MLLT10: variants seen among roughly 807,000 people sequenced by gnomAD.
MLLT10 encodes MLLT10 histone lysine methyltransferase DOT1L cofactor, also known as protein AF-10.
MLLT10 carries 30 observed loss-of-function variants against 129.1 expected under a neutral mutation model. That is an observed-to-expected ratio of 0.23 (90% CI 0.17 to 0.32). MLLT10 has a LOEUF of 0.32. MLLT10 is among the 10% of genes least tolerant of loss of function. The probability of loss-of-function intolerance (pLI) is 1.00; values close to 1 mark genes in which losing one functional copy is unlikely to be tolerated. For missense variants in MLLT10, 1,119 were observed against 1,268.3 expected, an observed-to-expected ratio of 0.88 and a Z score of 1.79; for synonymous variants, 490 against 446.4, an observed-to-expected ratio of 1.10 and a Z score of -1.23.
rs1010815780 is a variant in MLLT10, at chr10:21,646,871, T to C, written c.700-4802T>C. Reference sequence around the variant, plus strand: ...CTATTCCCTTTTTTTTTTTTTTTTTTCTGAGACGGAGTCTCGCTCTGTCGC... The same window carrying C: ...CTATTCCCTTTTTTTTTTTTTTTTTCCTGAGACGGAGTCTCGCTCTGTCGC... On this transcript the variant is annotated intron_variant, in intron 8 of 22. Transcript: ENST00000307729. 1.5e-4 allele frequency among the ~76,000 whole-genome samples: 23 copies of C among 151,444 alleles called. No homozygotes were observed. The East Asian group carries it at 1.5e-3, about 10-fold the overall frequency.
chr10:21,654,751 G>A (rs758009477), intron 9 of MLLT10, among the ~76,000 whole-genome samples: 3 of 152,110 alleles, frequency 2.0e-5, no homozygotes, highest in Non-Finnish European at 2.9e-5. Context: ...TGAATACAGC[G>A]AATGAGTGAG....
At chr10:21,571,181 T>G (rs1341850140) in intron 3 of MLLT10, among the ~76,000 whole-genome samples, 1 of 152,222 alleles carries the variant, frequency 6.6e-6, no homozygotes, top group Non-Finnish European at 1.5e-5. Context: ...CACATCCTTA[T>G]GTCAGTTCTG....
intron 8 of MLLT10, among the ~76,000 whole-genome samples, chr10:21,624,087 C>G (rs1295165701): frequency 6.6e-6 from 1 of 152,062 alleles, no homozygotes; most frequent in African/African-American, 2.4e-5. Context: ...AATTTAAAAA[C>G]ACAGTTAACC....
chr10:21,601,846 TTTTTTGTTTTTG>T (rs1266265013), intron 5 of MLLT10, among the ~76,000 whole-genome samples: 38 of 152,162 alleles, frequency 2.5e-4, no homozygotes, highest in Non-Finnish European at 4.7e-4. Flanking sequence ...CCTATCTCAG[TTTTTTGTTTTTG>T]TTTTTGTTTT....
At chr10:21,577,955 G>A (rs1325038423) in intron 3 of MLLT10, among the ~76,000 whole-genome samples, 2 of 152,048 alleles carry the variant, frequency 1.3e-5, no homozygotes, top group African/African-American at 2.4e-5. Context: ...GTACAGTGGT[G>A]TGATATCTTG....
intron 9 of MLLT10, among the ~76,000 whole-genome samples, chr10:21,653,404 T>C (rs1257532540): frequency 5.9e-5 from 9 of 152,314 alleles, no homozygotes; most frequent in Admixed American, 2.0e-4. Context: ...TTCTAGAGCC[T>C]CTTTTTGTTT....
chr10:21,612,500 G>T (rs945768393), intron 6 of MLLT10, 49 bp downstream of exon 6: 1 of 1,163,998 alleles, frequency 8.6e-7, no homozygotes, highest in Admixed American at 2.1e-5. Flanking sequence ...TAAATACCTT[G>T]TGTAACAATC....
intron 4 of MLLT10, among the ~76,000 whole-genome samples, chr10:21,589,929 C>T (rs1171697334): frequency 4.6e-5 from 7 of 151,364 alleles, no homozygotes; most frequent in African/African-American, 1.5e-4. Context: ...TCCCCTTTGT[C>T]TGTCTCTCTC....
In MLLT10 at chr10:21,673,704, A is replaced by G; in HGVS notation, c.1406A>G (p.Lys469Arg). 2 of 1,614,186 alleles carry G rather than the reference A, an allele frequency of 1.2e-6. No individual in the cohort carries two copies. Among genetic ancestry groups the G allele is most frequent in the Non-Finnish European group, 1.7e-6 (2 of 1,180,028 alleles). The change falls in exon 11 of 23, where the codon AAA becomes AGA. Residue 469 changes from lysine to arginine, a missense_variant. Coordinates refer to ENST00000307729, the MANE Select transcript of MLLT10 (RefSeq NM_001195626.3). ...EEETVKEKKR[K>R]GNKQSKHGPG... ...GAAACTGTAAAGGAAAAGAAAAGGA[A>G]AGGAAATAAACAAAGTAAGCATGGG...
At chr10:21,608,929 T>G (rs960801840) in intron 5 of MLLT10, among the ~76,000 whole-genome samples, 1 of 152,216 alleles carries the variant, frequency 6.6e-6, no homozygotes, top group Non-Finnish European at 1.5e-5. Flanking sequence ...ATTTTTTAAT[T>G]TTTTTGTTGA....
rs193080149 is a variant in MLLT10 at position 21,563,365 on chromosome 10, A to T, written c.241-22929A>T. Among the ~76,000 whole-genome samples, 40 of 152,154 alleles carry T rather than the reference A, an allele frequency of 2.6e-4. 1 individual carries two copies. The East Asian group carries it at 7.8e-3, about 30-fold the overall frequency. Reference sequence around the variant, plus strand: ...ATGGTGAAACCTGTCTCTACTAAAAATACAAAAATTAGCCAGGTGTGATGG... The same window carrying T: ...ATGGTGAAACCTGTCTCTACTAAAATTACAAAAATTAGCCAGGTGTGATGG... On this transcript the variant is annotated intron_variant, in intron 3 of 22. Coordinates refer to ENST00000307729, the MANE Select transcript of MLLT10 (RefSeq NM_001195626.3).
intron 13 of MLLT10, among the ~76,000 whole-genome samples, chr10:21,706,421 T>C (rs544596221): frequency 3.3e-5 from 5 of 152,306 alleles, no homozygotes; most frequent in Admixed American, 3.3e-4. Flanking sequence ...ATAGATGAGG[T>C]ATATGAGGTT....
chr10:21,643,167 G>A (rs2048181078), intron 8 of MLLT10, among the ~76,000 whole-genome samples: 1 of 152,058 alleles, frequency 6.6e-6, no homozygotes, highest in African/African-American at 2.4e-5. Flanking sequence ...CATGTAGCTG[G>A]GACTACTGGC....
chr10:21,692,321 A>T (rs984978285), intron 13 of MLLT10, among the ~76,000 whole-genome samples: 9 of 150,620 alleles, frequency 6.0e-5, no homozygotes, highest in Non-Finnish European at 1.0e-4. Flanking sequence ...CACAATGGTT[A>T]TATTATTATT....
Position 21,670,539 on chromosome 10 carries a change from G to A in MLLT10, c.886G>A (p.Glu296Lys), listed in dbSNP as rs899305782. Residue 296 changes from glutamate to lysine, a missense_variant, in exon 10 of 23, where the codon GAA becomes AAA. By Grantham distance (56) the Glu-to-Lys change is moderately conservative. Around this residue, in one of 5 missense-constraint regions of MLLT10, gnomAD observed 1,004 missense variants for 1,008.7 expected, o/e 1.00. Coordinates refer to ENST00000307729, the MANE Select transcript of MLLT10 (RefSeq NM_001195626.3). ...TARFTNANFQEVSAHTSSGKD... is the reference protein window; with the variant it reads ...TARFTNANFQKVSAHTSSGKD... ...ACGATTTACAAATGCAAATTTCCAG[G>A]AAGTCTCTGCACACACCTCTAGTGG... is the stretch of plus-strand genomic sequence containing the variant. 10 of 1,614,008 alleles carry A rather than the reference G, an allele frequency of 6.2e-6. No homozygotes were observed. The African/African-American group carries it at 1.1e-4, about 17-fold the overall frequency.
In MLLT10 at chr10:21,671,893, C is replaced by G. The variant is rs117250852; in HGVS notation, c.1051+1189C>G. 1.1e-4 allele frequency among the ~76,000 whole-genome samples: 17 copies of G among 152,150 alleles called. No individual in the cohort carries two copies. The East Asian group carries it at 1.5e-3, about 14-fold the overall frequency. The stretch of plus-strand genomic sequence containing the variant: ...GCTTGACCCAGGGAGGTTGAAGCTA[C>G]AGTGAGCCGTGATTGTGCCACTGCA... On this transcript the variant is annotated intron_variant, in intron 10 of 22. Coordinates refer to ENST00000307729, the MANE Select transcript of MLLT10 (RefSeq NM_001195626.3).
chr10:21,603,177 C>T (rs1186588732), intron 5 of MLLT10, among the ~76,000 whole-genome samples: 1 of 151,754 alleles, frequency 6.6e-6, no homozygotes, highest in Non-Finnish European at 1.5e-5. Context: ...CTCAGCCTCC[C>T]GAGTAGCTGG....
At chr10:21,574,526 T>A (rs749377903) in intron 3 of MLLT10, among the ~76,000 whole-genome samples, 8 of 152,100 alleles carry the variant, frequency 5.3e-5, no homozygotes, top group Non-Finnish European at 1.0e-4. Flanking sequence ...ATTAAGAAAG[T>A]AAAGGAATAA....
At chr10:21,560,945 A>G (rs1199928505) in intron 3 of MLLT10, among the ~76,000 whole-genome samples, 1 of 152,102 alleles carries the variant, frequency 6.6e-6, no homozygotes, top group Non-Finnish European at 1.5e-5. Context: ...AAATGTCAGT[A>G]TTCTTTATCT....
Sources: gnomAD v4.1 joint callset for allele counts (sites outside exome capture counted in the v4.1 genomes callset) on GRCh38, gnomAD v4.1.1 for gene constraint, gnomAD v4.1.1 regional missense constraint, MANE v1.5 for transcripts, NCBI Gene and HGNC (gene_info 2026-07-23, HGNC 2026-07-21) for gene names.